The following C3orf70 variants were observed in gnomAD, a reference collection of about 807,000 sequenced individuals.
C3orf70 encodes chromosome 3 open reading frame 70.
In C3orf70, 15 loss-of-function variants were observed where a neutral mutation model predicts 20.7. That is an observed-to-expected ratio of 0.72 (90% confidence interval 0.48 to 1.11). C3orf70 has a LOEUF of 1.11. C3orf70 is among the 50% of genes most tolerant of loss of function. C3orf70 has a pLI of 0.00. For missense variants in C3orf70, 332 were observed against 317.6 expected (o/e 1.05, Z -0.34); for synonymous variants, 161 against 125.7 (o/e 1.28, Z -1.88).
chr3:185,151,439 C>T (rs1716987207), intron 1 of C3orf70, among the ~76,000 whole-genome samples: 1 of 152,020 alleles, frequency 6.6e-6, no homozygotes, highest in Non-Finnish European at 1.5e-5. Flanking sequence ...ATGCTTTATA[C>T]TAACAAAAGA....
rs992304997 is a variant in C3orf70 at position 185,077,793 on chromosome 3, G to C, written c.*5214C>G. Among the ~76,000 whole-genome samples, 1 of 151,186 alleles carries C rather than the reference G, an allele frequency of 6.6e-6. No individual in the cohort carries two copies. Among genetic ancestry groups the C allele is most frequent in the East Asian group, 1.9e-4 (1 of 5,134 alleles). On this transcript the variant is annotated 3_prime_UTR_variant, in exon 2 of 2. Transcript: ENST00000335012. ...ATAAATGCTATTTGGTGGTGGTGGG[G>C]GGGGGGTATCAAGTTTTATTTGCTA... is the stretch of plus-strand genomic sequence containing the variant.
intron 1 of C3orf70, among the ~76,000 whole-genome samples, chr3:185,142,330 C>T (rs768979375): frequency 2.6e-5 from 4 of 152,100 alleles, no homozygotes; most frequent in Non-Finnish European, 5.9e-5. Flanking sequence ...TGGTGGCATG[C>T]TTCTGTGGCC....
chr3:185,136,060 A>G (rs1346914835), intron 1 of C3orf70, among the ~76,000 whole-genome samples: 1 of 152,224 alleles, frequency 6.6e-6, no homozygotes, highest in Non-Finnish European at 1.5e-5. Flanking sequence ...GTTGTGTACA[A>G]GAAACTTCCT....
At position 185,119,486 on chromosome 3, in the gene C3orf70, A is replaced by G. The variant is rs181634585; in HGVS notation, c.196+33142T>C. Among the ~76,000 whole-genome samples the G allele has an allele frequency of 2.0e-5, 3 of 152,064 alleles. No homozygotes were observed. The East Asian group carries it at 5.8e-4, about 30-fold the overall frequency. On this transcript the variant is annotated intron_variant, in intron 1 of 1. Coordinates refer to ENST00000335012, the MANE Select transcript of C3orf70 (RefSeq NM_001025266.3). ...GCCAACATGGTGAAACCCCGTCTCTACTAAAAATACAGCCATTTTAACAGA... is the reference window on the plus strand; with the variant it reads ...GCCAACATGGTGAAACCCCGTCTCTGCTAAAAATACAGCCATTTTAACAGA...
chr3:185,084,068 C>T (rs980703566), intron 1 of C3orf70, among the ~76,000 whole-genome samples: 17 of 152,022 alleles, frequency 1.1e-4, no homozygotes, highest in African/African-American at 4.1e-4. Flanking sequence ...GCCTGTAATC[C>T]CAGTTACTCG....
intron 1 of C3orf70, among the ~76,000 whole-genome samples, chr3:185,151,464 A>G (rs1394773261): frequency 2.0e-5 from 3 of 152,228 alleles, no homozygotes; most frequent in Admixed American, 2.0e-4. Flanking sequence ...AGATCTGAGC[A>G]CAACAGGAAT....
In C3orf70 at chr3:185,077,002, T is replaced by C. The variant is rs1715206375; in HGVS notation, c.*6005A>G. 1.3e-5 allele frequency among the ~76,000 whole-genome samples: 2 copies of C among 152,220 alleles called. No individual in the cohort carries two copies. Among genetic ancestry groups the C allele is most frequent in the South Asian group, 4.1e-4 (2 of 4,828 alleles). On this transcript the variant is annotated 3_prime_UTR_variant, in exon 2 of 2. Coordinates refer to ENST00000335012, the MANE Select transcript of C3orf70 (RefSeq NM_001025266.3). ...GATGCGCTGTCTGCAGGAATCACTTTAAAAGATCAGTTAGCTTTAGGAAAG... is the reference window on the plus strand; with the variant it reads ...GATGCGCTGTCTGCAGGAATCACTTCAAAAGATCAGTTAGCTTTAGGAAAG...
intron 1 of C3orf70, among the ~76,000 whole-genome samples, chr3:185,127,535 G>A (rs1020803872): frequency 6.6e-6 from 1 of 152,094 alleles, no homozygotes; most frequent in South Asian, 2.1e-4. Flanking sequence ...TGCTTCTGGG[G>A]TTCAAGCGAT....
chr3:185,124,596 T>A (rs1271585205), intron 1 of C3orf70, among the ~76,000 whole-genome samples: 1 of 152,014 alleles, frequency 6.6e-6, no homozygotes, highest in Non-Finnish European at 1.5e-5. Context: ...GAGAAGAACA[T>A]ATAGGAGAAA....
At chr3:185,114,879 C>A (rs540612387) in intron 1 of C3orf70, among the ~76,000 whole-genome samples, 1 of 152,258 alleles carries the variant, frequency 6.6e-6, no homozygotes, top group Admixed American at 6.5e-5. Context: ...AAAAAGGGAA[C>A]TCACTTTGTT....
chr3:185,149,798 A>G (rs1716952140), intron 1 of C3orf70, among the ~76,000 whole-genome samples: 1 of 152,190 alleles, frequency 6.6e-6, no homozygotes. Flanking sequence ...AGTGTGGAGA[A>G]CCGGAGGACT....
chr3:185,096,633 G>A (rs183787380), intron 1 of C3orf70, among the ~76,000 whole-genome samples: 6 of 152,162 alleles, frequency 3.9e-5, no homozygotes, highest in Non-Finnish European at 7.3e-5. Context: ...GGGCTCTGCC[G>A]CTGCTGGCTG....
chr3:185,082,993 T>G lies in C3orf70; in HGVS notation c.*14A>C. 1.2e-6 allele frequency: 2 copies of G among 1,606,680 alleles called. No homozygotes were observed. Among genetic ancestry groups the G allele is most frequent in the Non-Finnish European group, 1.7e-6 (2 of 1,175,746 alleles). On this transcript the variant is annotated 3_prime_UTR_variant, in exon 2 of 2. Coordinates refer to ENST00000335012, the MANE Select transcript of C3orf70 (RefSeq NM_001025266.3). ...TCGGCGTGGGTCCGAGGCTGTGGCT[T>G]CCTGTCTGGACTCTCACACAGTCGT...
intron 1 of C3orf70, among the ~76,000 whole-genome samples, chr3:185,102,509 T>C (rs1383372143): frequency 6.6e-6 from 1 of 152,240 alleles, no homozygotes; most frequent in Admixed American, 6.5e-5. Flanking sequence ...GATTCAATGC[T>C]ATTCCTATCA....
At chr3:185,094,075 T>TG (rs1491129066) in intron 1 of C3orf70, among the ~76,000 whole-genome samples, 2 of 4,812 alleles carry the variant, frequency 4.2e-4, no homozygotes, top group African/African-American at 1.3e-3. Context: ...TACCCTGGGG[T>TG]TTTTTTTTTT....
In C3orf70 at chr3:185,152,830, T is replaced by C; in HGVS notation, c.-7A>G. 1.3e-6 allele frequency: 2 copies of C among 1,520,232 alleles called. No individual in the cohort carries two copies. The highest frequency in any genetic ancestry group is 1.8e-6 in the Non-Finnish European group (2 of 1,127,578). The allele number at this position is 1,520,232 out of a possible 1,614,324, so 94.2% of individuals were successfully genotyped here. On this transcript the variant is annotated 5_prime_UTR_variant, in exon 1 of 2. Transcript: ENST00000335012. ...GCGAGGCCGCCGCACTCATTTCCTC[T>C]CCCTCCGCGCGGAGCCGACACCGGG...
chr3:185,134,864 C>A (rs906765868), intron 1 of C3orf70, among the ~76,000 whole-genome samples: 12 of 151,972 alleles, frequency 7.9e-5, no homozygotes, highest in Non-Finnish European at 1.3e-4. Context: ...TCAGTGGAGG[C>A]CTAAGGGAGA....
intron 1 of C3orf70, among the ~76,000 whole-genome samples, chr3:185,090,335 C>T (rs1311499288): frequency 6.6e-6 from 1 of 152,170 alleles, no homozygotes; most frequent in Non-Finnish European, 1.5e-5. Flanking sequence ...TGCTAAGCTA[C>T]TGTGTGTACC....
At chr3:185,125,559 T>C (rs916774621) in intron 1 of C3orf70, among the ~76,000 whole-genome samples, 3 of 152,202 alleles carry the variant, frequency 2.0e-5, no homozygotes, top group African/African-American at 4.8e-5. Flanking sequence ...CAAATATTTA[T>C]AGCAGCCTTA....
Sources: gnomAD v4.1 joint callset for allele counts (sites outside exome capture counted in the v4.1 genomes callset) on GRCh38, gnomAD v4.1.1 for gene constraint, MANE v1.5 for transcripts, NCBI Gene and HGNC (gene_info 2026-07-23, HGNC 2026-07-21) for gene names.